The following CEP63 variants were observed in gnomAD, a reference collection of about 807,000 sequenced individuals.
CEP63 encodes the protein centrosomal protein 63, also known as centrosomal protein of 63 kDa.
Under a neutral mutation model 89.1 loss-of-function variants are expected in CEP63, and 84 were observed. The observed-to-expected ratio is 0.94, with a 90% confidence interval of 0.79 to 1.13. The LOEUF is 1.13. CEP63 is among the 50% of genes most tolerant of loss of function. The pLI, the probability that CEP63 is intolerant of heterozygous loss-of-function variation, is 0.00. For missense variants in CEP63, 838 were observed against 813.3 expected, an observed-to-expected ratio of 1.03 and a Z score of -0.37; for synonymous variants, 267 against 272.5, an observed-to-expected ratio of 0.98 and a Z score of 0.20.
chr3:134,711,721 T>A, the CEP63 span, among the ~76,000 whole-genome samples: 2 of 152,124 alleles, frequency 1.3e-5, no homozygotes, highest in African/African-American at 2.4e-5. Flanking sequence ...AGCTTCTGTT[T>A]AGAGAGGTCT....
At chr3:134,722,031 T>G in the CEP63 span, among the ~76,000 whole-genome samples, 1 of 152,132 alleles carries the variant, frequency 6.6e-6, no homozygotes, top group Non-Finnish European at 1.5e-5. Flanking sequence ...GTTTTAAGAG[T>G]TTGTAAAGAA....
At chr3:134,752,147 A>G in the CEP63 span, among the ~76,000 whole-genome samples, 4 of 152,224 alleles carry the variant, frequency 2.6e-5, no homozygotes, top group African/African-American at 7.2e-5. Context: ...CTTAAAGGGC[A>G]AGAAGTAAAA....
At position 134,532,822 on chromosome 3, in the gene CEP63, A is replaced by C. The variant is rs752832115; in HGVS notation, c.363A>C (p.Gln121His). 27 of 1,612,368 alleles carry C rather than the reference A, an allele frequency of 1.7e-5. No homozygotes were observed. In the East Asian group the frequency reaches 5.1e-4, roughly 31 times the overall value. The change falls in exon 5 of 15, where the codon CAA becomes CAC. Residue 121 changes from glutamine (Q) to histidine (H), a missense_variant. By Grantham distance (24) the Gln-to-His change is conservative. Coordinates refer to ENST00000675561, the MANE Select transcript of CEP63 (RefSeq NM_001353108.3). Reference protein sequence around the residue: ...KRSYEKLQKKQMREFRGNTKN... With the variant: ...KRSYEKLQKKHMREFRGNTKN... ...GCTATGAAAAGCTTCAGAAAAAGCAAATGAGGGAATTCAGAGGAAATACCA... is the reference window on the plus strand; with the variant it reads ...GCTATGAAAAGCTTCAGAAAAAGCACATGAGGGAATTCAGAGGAAATACCA...
chr3:134,680,635 A>C, the CEP63 span, among the ~76,000 whole-genome samples: 4 of 152,200 alleles, frequency 2.6e-5, no homozygotes, highest in Non-Finnish European at 5.9e-5. Context: ...TGATGCTTGA[A>C]GCATACAGGT....
At chr3:134,634,111 A>G in the CEP63 span, among the ~76,000 whole-genome samples, 1 of 152,230 alleles carries the variant, frequency 6.6e-6, no homozygotes, top group Non-Finnish European at 1.5e-5. Flanking sequence ...CACATTAAAG[A>G]TGACTTAAAT....
chr3:134,630,898 G>A, the CEP63 span, among the ~76,000 whole-genome samples: 17 of 152,212 alleles, frequency 1.1e-4, no homozygotes, highest in South Asian at 4.1e-4. Context: ...AAGTATCAGC[G>A]ATAAAAAAGA....
the CEP63 span, among the ~76,000 whole-genome samples, chr3:134,675,353 A>G: frequency 2.0e-5 from 3 of 152,220 alleles, no homozygotes; most frequent in Admixed American, 6.5e-5. Context: ...AAGTTGAACA[A>G]CTGTCTCATA....
At chr3:134,660,466 A>T in the CEP63 span, among the ~76,000 whole-genome samples, 1 of 152,228 alleles carries the variant, frequency 6.6e-6, no homozygotes, top group African/African-American at 2.4e-5. Flanking sequence ...CGTAGTTCAG[A>T]AGTGGCAGAG....
the CEP63 span, among the ~76,000 whole-genome samples, chr3:134,759,175 G>A: frequency 6.6e-6 from 1 of 152,180 alleles, no homozygotes; most frequent in African/African-American, 2.4e-5. Flanking sequence ...GAACTGTTCA[G>A]TAACAAATCC....
At position 134,561,616 on chromosome 3, in the gene CEP63, A is replaced by T. The variant is rs1957356546; in HGVS notation, c.*81A>T. The T allele has an allele frequency of 6.5e-7, 1 of 1,539,978 alleles. No homozygotes were observed. ...CATCTGAAGTAGCAGCTCTTTAAAAACATGAAGAGATAAAATTATAAAAAT... is the reference window on the plus strand; with the variant it reads ...CATCTGAAGTAGCAGCTCTTTAAAATCATGAAGAGATAAAATTATAAAAAT... On this transcript the variant is annotated 3_prime_UTR_variant, in exon 15 of 15. Transcript: ENST00000675561.
intron 12 of CEP63, 31 bp from the exon 13 acceptor site, chr3:134,558,111 A>G (rs1211684801): frequency 1.3e-6 from 2 of 1,557,896 alleles, no homozygotes; most frequent in African/African-American, 1.4e-5. Context: ...TCTTGTACAG[A>G]TTAAGTGACT....
the CEP63 span, among the ~76,000 whole-genome samples, chr3:134,772,437 A>G: frequency 0.01 from 1,587 of 152,164 alleles, 29 homozygotes; most frequent in African/African-American, 0.036. Flanking sequence ...GGTGCCAGTC[A>G]CTTTGGGGGT....
chr3:134,665,341 T>C, the CEP63 span, among the ~76,000 whole-genome samples: 1 of 152,194 alleles, frequency 6.6e-6, no homozygotes, highest in South Asian at 2.1e-4. Context: ...TCCAGTTCCC[T>C]GAGGCCAGGC....
chr3:134,538,198 G>GTTTTTT (rs66539157), intron 6 of CEP63, among the ~76,000 whole-genome samples: 1 of 112,610 alleles, frequency 8.9e-6, no homozygotes, highest in Non-Finnish European at 1.8e-5. Context: ...AGAAGGGAGG[G>GTTTTTT]TTTTTTTTTT....
Position 134,581,693 on chromosome 3 carries a change from T to TTTTTTTTTTTTA in CEP63, c.1207-5765_1207-5764insTTTTTTTTTTTA, listed in dbSNP as rs1958352819. On this transcript the variant is annotated intron_variant, in intron 10 of 10. Coordinates refer to the CEP63 transcript ENST00000683931. Reference sequence around the variant, plus strand: ...ATGATGAAAACATTTTTTTTTTTTTTGAGACGGAGTCTCGCTCTGTTGCCC... The same window carrying TTTTTTTTTTTTA: ...ATGATGAAAACATTTTTTTTTTTTTTTTTTTTTTTTTAGAGACGGAGTCTCGCTCTGTTGCCC... Among the ~76,000 whole-genome samples, 2 of 143,992 alleles carry TTTTTTTTTTTTA rather than the reference T, an allele frequency of 1.4e-5. 1 individual carries two copies. Among genetic ancestry groups the TTTTTTTTTTTTA allele is most frequent in the African/African-American group, 5.2e-5 (2 of 38,650 alleles). 94.5% of individuals were successfully genotyped at this position (143,992 alleles called of 152,430 possible).
At chr3:134,546,979 C>T (rs901615950) in intron 8 of CEP63, among the ~76,000 whole-genome samples, 1 of 152,174 alleles carries the variant, frequency 6.6e-6, no homozygotes, top group African/African-American at 2.4e-5. Flanking sequence ...TTGGGCTAGC[C>T]CTCTTGCTTG....
At chr3:134,590,861 A>G (rs777617551), downstream of CEP63, among the ~76,000 whole-genome samples, 3 of 152,086 alleles carry the variant, frequency 2.0e-5, no homozygotes, top group African/African-American at 7.2e-5. Context: ...ATTTTTTCCT[A>G]TGACATACCT....
At chr3:134,523,025 A>G (rs898264090) in intron 3 of CEP63, among the ~76,000 whole-genome samples, 1 of 152,188 alleles carries the variant, frequency 6.6e-6, no homozygotes, top group Non-Finnish European at 1.5e-5. Context: ...CCAACAGTGT[A>G]TAAGCGTTCT....
At chr3:134,577,993 G>A (rs973373535), downstream of CEP63, among the ~76,000 whole-genome samples, 1 of 152,140 alleles carries the variant, frequency 6.6e-6, no homozygotes, top group South Asian at 2.1e-4. Flanking sequence ...TGGTGTATAT[G>A]TGCCACATTT....
Sources: gnomAD v4.1 joint callset for allele counts (sites outside exome capture counted in the v4.1 genomes callset) on GRCh38, gnomAD v4.1.1 for gene constraint, MANE v1.5 for transcripts, NCBI Gene and HGNC (gene_info 2026-07-23, HGNC 2026-07-21) for gene names.